Variants in WDR27 observed in about 807,000 individuals in gnomAD.
The protein encoded by WDR27 is WD repeat domain 27, also known as WD repeat-containing protein 27.
A neutral mutation model predicts 114.4 loss-of-function variants in WDR27; 100 were observed. That is an observed-to-expected ratio of 0.87 (90% CI 0.74 to 1.03). WDR27 has a LOEUF of 1.03. Among genes scored for constraint, WDR27 ranks in the 50% least tolerant of loss-of-function variants. The pLI, the probability that WDR27 is intolerant of heterozygous loss-of-function variation, is 0.00. For synonymous variants in WDR27, 449 were observed against 423.1 expected (o/e 1.06, Z -0.75); for missense variants, 1,129 against 1,092.9 (o/e 1.03, Z -0.47).
intron 25 of WDR27, among the ~76,000 whole-genome samples, chr6:169,503,022 C>T (rs1683044224): frequency 6.6e-6 from 1 of 152,132 alleles, no homozygotes; most frequent in Non-Finnish European, 1.5e-5. Flanking sequence ...ATGAGGTGAC[C>T]ATCACATTTC....
At chr6:169,668,682 G>C (rs1189361978) in intron 4 of WDR27, 3 of 154,382 alleles carry the variant, frequency 1.9e-5, no homozygotes, top group Non-Finnish European at 4.3e-5. Flanking sequence ...AGAGCATCGG[G>C]GGTTCCTAAT....
At chr6:169,476,191 G>T (rs2115355868) in intron 25 of WDR27, among the ~76,000 whole-genome samples, 1 of 152,190 alleles carries the variant, frequency 6.6e-6, no homozygotes. Context: ...TGTGCTAAAG[G>T]GTGGAAGGCT....
Position 169,539,463 on chromosome 6 carries a change from A to AC in WDR27, c.2645+32955dup, listed in dbSNP as rs540821754. ...TTTTGCCTACTGCCCCAAATGCCTC[A>AC]CTTCCTTCTTGCTCCGTGTATCATG... On this transcript the variant is annotated intron_variant, in intron 25 of 25. Transcript: ENST00000448612. 2.9e-4 allele frequency among the ~76,000 whole-genome samples: 44 copies of AC among 152,208 alleles called. No homozygotes were observed. The South Asian group carries it at 8.9e-3, about 31-fold the overall frequency.
intron 25 of WDR27, among the ~76,000 whole-genome samples, chr6:169,490,535 A>G (rs936471841): frequency 3.3e-5 from 5 of 152,204 alleles, no homozygotes; most frequent in Non-Finnish European, 5.9e-5. Context: ...AGGACCCACA[A>G]ACCTGCCAAG....
chr6:169,461,660 A>AAC (rs1480258800), intron 25 of WDR27, among the ~76,000 whole-genome samples: 1 of 151,506 alleles, frequency 6.6e-6, no homozygotes, highest in Non-Finnish European at 1.5e-5. Flanking sequence ...AAAAAAAACA[A>AAC]AACAAGAAGA....
intron 23 of WDR27, among the ~76,000 whole-genome samples, chr6:169,600,057 T>G (rs888733765): frequency 6.6e-6 from 1 of 152,192 alleles, no homozygotes; most frequent in Non-Finnish European, 1.5e-5. Flanking sequence ...TCAGTTTCCA[T>G]GTAGTTGAGC....
chr6:169,621,447 C>G (rs906499262), intron 21 of WDR27, among the ~76,000 whole-genome samples: 4 of 152,138 alleles, frequency 2.6e-5, no homozygotes, highest in African/African-American at 9.7e-5. Context: ...TACATATGCA[C>G]ACATGCACAC....
chr6:169,550,877 G>C (rs563448025), intron 25 of WDR27, among the ~76,000 whole-genome samples: 1 of 152,180 alleles, frequency 6.6e-6, no homozygotes, highest in African/African-American at 2.4e-5. Flanking sequence ...CACCACGCCT[G>C]GTTAACTTTT....
chr6:169,471,845 C>T (rs1368760315), intron 25 of WDR27, among the ~76,000 whole-genome samples: 1 of 152,172 alleles, frequency 6.6e-6, no homozygotes, highest in East Asian at 1.9e-4. Context: ...AGTCCAAGAT[C>T]ATGGTACCAG....
chr6:169,655,864 C>A (rs544150717), intron 13 of WDR27, among the ~76,000 whole-genome samples: 4 of 152,114 alleles, frequency 2.6e-5, no homozygotes, highest in Non-Finnish European at 5.9e-5. Context: ...GGACTACAGG[C>A]GCCCGCCAAC....
At chr6:169,634,814 T>C (rs149182188) in intron 19 of WDR27, among the ~76,000 whole-genome samples, 76 of 152,288 alleles carry the variant, frequency 5.0e-4, no homozygotes, top group African/African-American at 1.7e-3. Flanking sequence ...CCTTTTTCTA[T>C]AGGGTATTTC....
chr6:169,464,546 A>C (rs1785306703), intron 25 of WDR27, among the ~76,000 whole-genome samples: 1 of 152,252 alleles, frequency 6.6e-6, no homozygotes, highest in Non-Finnish European at 1.5e-5. Flanking sequence ...AAATTTTTTA[A>C]GTTTGTGCAT....
intron 25 of WDR27, among the ~76,000 whole-genome samples, chr6:169,467,260 G>A (rs564300356): frequency 6.6e-6 from 1 of 152,182 alleles, no homozygotes. Flanking sequence ...GCAAGCTGTT[G>A]GTGGGTCTAC....
At position 169,662,320 on chromosome 6, in the gene WDR27, T is replaced by G; in HGVS notation, c.1009A>C (p.Asn337His). The G allele has an allele frequency of 6.2e-7, 1 of 1,613,846 alleles. No homozygotes were observed. Among genetic ancestry groups the G allele is most frequent in the Non-Finnish European group, 8.5e-7 (1 of 1,179,722 alleles). Residue 337 changes from asparagine to histidine, a missense_variant, in exon 9 of 26, where the codon AAT (asparagine) becomes CAT (histidine). Coordinates refer to ENST00000448612, the MANE Select transcript of WDR27 (RefSeq NM_182552.5). ...LAPCDLSLIP[N>H]SACGCLSSEN... ...GATACTTACCATCCACATGCAGAAT[T>G]TGGGATGAGTGAGAGATCACAGGGT...
chr6:169,579,508 C>T (rs537319391), intron 24 of WDR27, among the ~76,000 whole-genome samples: 1 of 152,146 alleles, frequency 6.6e-6, no homozygotes, highest in African/African-American at 2.4e-5. Flanking sequence ...AGCACAGGAA[C>T]TGGCCCAAAC....
rs200797705 is a variant in WDR27, at chr6:169,659,484, C to T, written c.1164G>A (p.Ser388=). Residue 388 remains serine (S), a synonymous_variant, in exon 11 of 26, where the codon TCG becomes TCA. Transcript: ENST00000448612. This position sits in a 1 kb window ranked among gnomAD's most constrained non-coding sequence, Gnocchi z 4.3. ...FQSLSILLAG[S]CALRNRTADQ... ...CCGCAGTGCGGTTCCTCAGGGCACACGATCCGGCCAGCAGGATGCTGAGGC... is the reference window on the plus strand; with the variant it reads ...CCGCAGTGCGGTTCCTCAGGGCACATGATCCGGCCAGCAGGATGCTGAGGC... 40 of 1,610,282 alleles carry T rather than the reference C, an allele frequency of 2.5e-5. No individual in the cohort carries two copies. Among genetic ancestry groups the T allele is most frequent in the South Asian group, 5.5e-5 (5 of 90,184 alleles).
rs373564526 is a variant in WDR27 at position 169,676,732 on chromosome 6, A to G, written c.190-4336T>C. On this transcript the variant is annotated intron_variant, in intron 2 of 25. Coordinates refer to ENST00000448612, the MANE Select transcript of WDR27 (RefSeq NM_182552.5). ...CTTTAGACAATAACTTAACACTTTC[A>G]ACCAATTGCAATTTAGAAAATTATC... 7.9e-5 allele frequency among the ~76,000 whole-genome samples: 12 copies of G among 152,280 alleles called. No homozygotes were observed. In the East Asian group the frequency reaches 2.3e-3, roughly 29 times the overall value.
chr6:169,637,097 A>G (rs538222925), intron 18 of WDR27, among the ~76,000 whole-genome samples: 13 of 152,332 alleles, frequency 8.5e-5, no homozygotes, highest in South Asian at 8.3e-4. Flanking sequence ...TCGCCTGCTC[A>G]TAATTTCATG....
intron 25 of WDR27, among the ~76,000 whole-genome samples, chr6:169,483,283 G>C (rs1035109326): frequency 4.6e-5 from 7 of 152,102 alleles, no homozygotes; most frequent in African/African-American, 1.7e-4. Flanking sequence ...CTGCTAGCTA[G>C]ACTAATAAGA....
Sources: allele counts gnomAD v4.1 joint callset (sites outside exome capture counted in the v4.1 genomes callset), GRCh38; gene constraint gnomAD v4.1.1; non-coding constraint Gnocchi (gnomAD v3.1); transcripts MANE v1.5; gene names NCBI Gene and HGNC (gene_info 2026-07-23, HGNC 2026-07-21).